TAFA5: variants seen among roughly 807,000 people sequenced by gnomAD.
TAFA5 encodes chemokine-like protein TAFA-5.
Under a neutral mutation model 15.3 loss-of-function variants are expected in TAFA5, and 6 were observed. The ratio of observed to expected loss-of-function variants is 0.39; its 90% CI spans 0.21 to 0.77. TAFA5 has a LOEUF of 0.77. Ranked by LOEUF, TAFA5 falls within the 30% of genes least tolerant of loss-of-function variation. The probability of loss-of-function intolerance (pLI) is 0.41; values close to 1 mark genes in which losing one functional copy is unlikely to be tolerated. For missense variants in TAFA5, 161 were observed against 193.1 expected (o/e 0.83, Z 0.98); for synonymous variants, 103 against 80.7 (o/e 1.28, Z -1.48).
intron 3 of TAFA5, among the ~76,000 whole-genome samples, chr22:48,744,175 A>G (rs1037617727): frequency 6.6e-6 from 1 of 151,708 alleles, no homozygotes; most frequent in African/African-American, 2.4e-5. Context: ...GGCCCTAAGG[A>G]CGATGCTGGC....
chr22:48,542,661 G>GTGGTGTGTGTGGT (rs1366596165), intron 1 of TAFA5, among the ~76,000 whole-genome samples: 1 of 130,456 alleles, frequency 7.7e-6, no homozygotes, highest in African/African-American at 2.9e-5. Flanking sequence ...GTGTGTGTGT[G>GTGGTGTGTGTGGT]GTGTGTGTGT....
At chr22:48,555,686 C>T (rs1279081978) in intron 1 of TAFA5, among the ~76,000 whole-genome samples, 3 of 152,322 alleles carry the variant, frequency 2.0e-5, no homozygotes, top group East Asian at 1.9e-4. Flanking sequence ...CAGGTGACCC[C>T]GTCATCAGCA....
At chr22:48,551,314 G>A (rs989331521) in intron 1 of TAFA5, among the ~76,000 whole-genome samples, 1 of 152,122 alleles carries the variant, frequency 6.6e-6, no homozygotes, top group African/African-American at 2.4e-5. Flanking sequence ...CGAGGGCTGG[G>A]CGGCTCGGCT....
intron 1 of TAFA5, among the ~76,000 whole-genome samples, chr22:48,573,200 G>T (rs1031131486): frequency 2.0e-5 from 3 of 152,106 alleles, no homozygotes; most frequent in Non-Finnish European, 4.4e-5. Flanking sequence ...TGGACACCTG[G>T]CCATGCCCCT....
intron 1 of TAFA5, among the ~76,000 whole-genome samples, chr22:48,509,950 CAAA>C (rs144036099): frequency 3.2e-4 from 29 of 91,272 alleles, no homozygotes; most frequent in Non-Finnish European, 4.3e-4. Context: ...GAATCTGTCT[CAAA>C]AAAAAAAAAA....
intron 1 of TAFA5, among the ~76,000 whole-genome samples, chr22:48,623,743 G>T (rs546539882): frequency 6.6e-6 from 1 of 152,230 alleles, no homozygotes; most frequent in Non-Finnish European, 1.5e-5. Flanking sequence ...CACGGTGCAC[G>T]TCAGAAAGCC....
intron 1 of TAFA5, among the ~76,000 whole-genome samples, chr22:48,542,483 GT>G (rs1922459440): frequency 3.4e-5 from 1 of 29,276 alleles, no homozygotes; most frequent in Admixed American, 3.2e-4. Flanking sequence ...TGTGTGTGGT[GT>G]GTGTGTGGTG....
At chr22:48,528,236 C>T (rs968411760) in intron 1 of TAFA5, among the ~76,000 whole-genome samples, 1 of 152,160 alleles carries the variant, frequency 6.6e-6, no homozygotes, top group Admixed American at 6.5e-5. Context: ...AAGCTTCGAG[C>T]GGAGTGAGAT....
intron 1 of TAFA5, among the ~76,000 whole-genome samples, chr22:48,497,301 G>T (rs1054704451): frequency 6.6e-6 from 1 of 152,202 alleles, no homozygotes; most frequent in African/African-American, 2.4e-5. Context: ...ACGGGGCCCG[G>T]CAGGGTTCTT....
chr22:48,642,683 G>A (rs1307458363), intron 1 of TAFA5, among the ~76,000 whole-genome samples: 1 of 152,172 alleles, frequency 6.6e-6, no homozygotes, highest in Non-Finnish European at 1.5e-5. Context: ...GGAGTATGTG[G>A]TGTGTGGCCT....
intron 1 of TAFA5, among the ~76,000 whole-genome samples, chr22:48,491,314 G>A (rs966814779): frequency 6.6e-6 from 1 of 152,204 alleles, no homozygotes; most frequent in African/African-American, 2.4e-5. Flanking sequence ...GTTAATGGCA[G>A]GTAAACTCTG....
At chr22:48,580,554 C>A (rs1240040451) in intron 1 of TAFA5, among the ~76,000 whole-genome samples, 1 of 152,130 alleles carries the variant, frequency 6.6e-6, no homozygotes, top group Non-Finnish European at 1.5e-5. Flanking sequence ...TGGTAGATGC[C>A]CTTGAGGTTT....
chr22:48,575,024 G>C (rs1364746520), intron 1 of TAFA5, among the ~76,000 whole-genome samples: 2 of 152,176 alleles, frequency 1.3e-5, no homozygotes, highest in South Asian at 2.1e-4. Context: ...GTGTGTTTGT[G>C]TGTGTTTCCA....
At chr22:48,746,737 C>T (rs1930339177) in intron 3 of TAFA5, among the ~76,000 whole-genome samples, 1 of 152,200 alleles carries the variant, frequency 6.6e-6, no homozygotes, top group East Asian at 1.9e-4. Flanking sequence ...CAGCCTAGTC[C>T]AGCCTTGTTA....
chr22:48,664,412 G>A (rs8141961), intron 2 of TAFA5, among the ~76,000 whole-genome samples: 15,697 of 152,192 alleles, frequency 0.1, 945 homozygotes, highest in East Asian at 0.23. Context: ...AACGACGTCT[G>A]TACAATTCTA....
intron 1 of TAFA5, among the ~76,000 whole-genome samples, chr22:48,600,901 G>A (rs769262009): frequency 1.1e-4 from 17 of 152,144 alleles, no homozygotes; most frequent in Non-Finnish European, 2.1e-4. Context: ...GTTCGAGGTC[G>A]GTAGAGCCTG....
rs533044223 is a variant in TAFA5 at position 48,661,628 on chromosome 22, G to A, written c.262+14882G>A. Among the ~76,000 whole-genome samples the A allele has an allele frequency of 4.6e-5, 7 of 152,336 alleles. 1 individual carries two copies. The highest frequency in any genetic ancestry group is 1.7e-4 in the African/African-American group (7 of 41,564). On this transcript the variant is annotated intron_variant, in intron 2 of 3. Transcript: ENST00000402357. ...CAGTGCAGCAGGGAACAGAGAGGGG[G>A]CAGCGTATGGCAGTGGGTGCCAGAT... is the stretch of plus-strand genomic sequence containing the variant.
chr22:48,653,943 A>C (rs1461661250), intron 2 of TAFA5, among the ~76,000 whole-genome samples: 2 of 152,054 alleles, frequency 1.3e-5, no homozygotes, highest in African/African-American at 4.8e-5. Flanking sequence ...TTGGGAGCAC[A>C]CTGGGAGGTG....
intron 2 of TAFA5, among the ~76,000 whole-genome samples, chr22:48,697,289 A>T (rs925556250): frequency 3.3e-5 from 5 of 152,130 alleles, no homozygotes; most frequent in African/African-American, 1.2e-4. Context: ...GGAGGGAGGG[A>T]GTCACTCCAG....
Sources: allele counts gnomAD v4.1 joint callset (sites outside exome capture counted in the v4.1 genomes callset), GRCh38; gene constraint gnomAD v4.1.1; transcripts MANE v1.5; gene names NCBI Gene and HGNC (gene_info 2026-07-23, HGNC 2026-07-21).